Variants in TMEM219 observed in about 807,000 individuals in gnomAD.
The protein encoded by TMEM219 is insulin-like growth factor-binding protein 3 receptor.
TMEM219 carries 18 observed loss-of-function variants against 17.9 expected under a neutral mutation model. That is an observed-to-expected ratio of 1.01 (90% CI 0.70 to 1.49). TMEM219 has a LOEUF of 1.49. TMEM219 is among the 40% of genes most tolerant of loss of function. TMEM219 has a pLI of 0.00. For missense variants in TMEM219, 288 were observed against 292.4 expected (o/e 0.99, Z 0.11); for synonymous variants, 113 against 124.0 (o/e 0.91, Z 0.59).
chr16:29,963,038 T>C, intron 1 of TMEM219, 69 bp from the exon 2 acceptor site: 1 of 1,376,956 alleles, frequency 7.3e-7, no homozygotes, highest in African/African-American at 1.4e-5. Flanking sequence ...TCCTTTGTCT[T>C]CTCTGAGCTT....
chr16:29,972,110 T>G (rs2069301259), intron 5 of TMEM219: 1 of 152,664 alleles, frequency 6.6e-6, no homozygotes, highest in Non-Finnish European at 1.5e-5. Flanking sequence ...GACTCATAAC[T>G]AGTTCACATC....
rs574492055 is a variant in TMEM219, at chr16:29,967,724, A to G, written c.356-301A>G. On this transcript the variant is annotated intron_variant, in intron 3 of 5. Coordinates refer to ENST00000279396, the MANE Select transcript of TMEM219 (RefSeq NM_001083613.2). ...GGGCGGATCACGAGGTCAGGAGATCAAGACCATCCTGGCTACCACAGTGAA... is the reference window on the plus strand; with the variant it reads ...GGGCGGATCACGAGGTCAGGAGATCGAGACCATCCTGGCTACCACAGTGAA... Among the ~76,000 whole-genome samples the G allele has an allele frequency of 1.4e-3, 211 of 152,196 alleles. 2 individuals carry two copies. Among genetic ancestry groups the G allele is most frequent in the East Asian group, 9.1e-3 (47 of 5,168 alleles).
chr16:29,967,971 G>C, intron 3 of TMEM219, 54 bp from the exon 4 acceptor site: 1 of 1,348,096 alleles, frequency 7.4e-7, no homozygotes, highest in Non-Finnish European at 1.1e-6. Context: ...TGAAGACAGA[G>C]GCTCCCGCGT....
intron 3 of TMEM219, among the ~76,000 whole-genome samples, chr16:29,967,724 A>C (rs574492055): frequency 1.3e-5 from 2 of 152,078 alleles, no homozygotes; most frequent in Middle Eastern, 3.2e-3. Flanking sequence ...TCAGGAGATC[A>C]AGACCATCCT....
intron 4 of TMEM219, among the ~76,000 whole-genome samples, chr16:29,969,350 C>T (rs2069252698): frequency 6.6e-6 from 1 of 151,672 alleles, no homozygotes; most frequent in Admixed American, 6.6e-5. Flanking sequence ...GCGCCTGCCA[C>T]CATGCCCGGC....
In TMEM219 at chr16:29,971,870, T is replaced by C. The variant is rs886863540; in HGVS notation, c.*33+292T>C. Reference sequence around the variant, plus strand: ...CAAATTATTATAAAGTGGATACTTATAAATACCACTGAGTAGAATATTACC... The same window carrying C: ...CAAATTATTATAAAGTGGATACTTACAAATACCACTGAGTAGAATATTACC... On this transcript the variant is annotated intron_variant, in intron 5 of 5. Coordinates refer to ENST00000279396, the MANE Select transcript of TMEM219 (RefSeq NM_001083613.2). The C allele has an allele frequency of 6.8e-5, 15 of 222,138 alleles. No homozygotes were observed. The East Asian group carries it at 6.9e-4, about 10-fold the overall frequency. 13.8% of individuals were successfully genotyped at this position (222,138 alleles called of 1,614,324 possible).
intron 3 of TMEM219, among the ~76,000 whole-genome samples, chr16:29,966,074 T>C (rs1567230414): frequency 6.6e-6 from 1 of 152,092 alleles, no homozygotes; most frequent in Non-Finnish European, 1.5e-5. Context: ...CTCACTATGT[T>C]GCCCAGGCTA....
At chr16:29,969,317 C>T (rs562444025) in intron 4 of TMEM219, among the ~76,000 whole-genome samples, 1 of 150,914 alleles carries the variant, frequency 6.6e-6, no homozygotes, top group East Asian at 2.0e-4. Flanking sequence ...CTGCCTCAGG[C>T]TCCCGAGTAG....
intron 4 of TMEM219, chr16:29,968,506 C>T (rs2069243556): frequency 2.3e-6 from 1 of 427,106 alleles, no homozygotes; most frequent in Non-Finnish European, 4.2e-6. Context: ...GTGAAGTGCC[C>T]AGCACATTGC....
intron 3 of TMEM219, among the ~76,000 whole-genome samples, chr16:29,964,481 TCAAA>T (rs758066138): frequency 1.3e-4 from 19 of 150,316 alleles, no homozygotes; most frequent in Admixed American, 8.6e-4. Flanking sequence ...AGACTCCGTC[TCAAA>T]CAAACAAACA....
In TMEM219 at chr16:29,962,747, T is replaced by G. The variant is rs28442577; in HGVS notation, c.-37-360T>G. On this transcript the variant is annotated intron_variant, in intron 1 of 5. Transcript: ENST00000279396. ...CAGATCTAGCCGTTTAGCTGCACAG[T>G]GGAGTTCTTCTCCAGAGTCTTCCCT... 160 of 205,672 alleles carry G rather than the reference T, an allele frequency of 7.8e-4. 1 individual carries two copies. Among genetic ancestry groups the G allele is most frequent in the African/African-American group, 3.5e-3 (153 of 43,770 alleles). 12.7% of individuals were successfully genotyped at this position (205,672 alleles called of 1,614,324 possible). A position where few individuals can be genotyped will look rare whatever the true frequency, so the allele number is the denominator to read the frequency against.
chr16:29,963,483 T>C lies in TMEM219; in HGVS notation c.249T>C (p.Ser83=), dbSNP rs1343378116. The change falls in exon 3 of 6, where the codon TCT becomes TCC. Residue 83 remains serine (S), a synonymous_variant. Transcript: ENST00000279396. ...CAGTCACAGGGAAGTGGCGAGGGTCTCACGTCGTGGGCTTGCTGACCACCT... is the reference window on the plus strand; with the variant it reads ...CAGTCACAGGGAAGTGGCGAGGGTCCCACGTCGTGGGCTTGCTGACCACCT... The part of the protein sequence containing the change: ...NGTVTGKWRG[S]HVVGLLTTLN... 6.2e-7 allele frequency: 1 copy of C among 1,614,214 alleles called. No homozygotes were observed. Among genetic ancestry groups the C allele is most frequent in the East Asian group, 2.2e-5 (1 of 44,890 alleles).
chr16:29,966,960 A>C (rs922097293), intron 3 of TMEM219, among the ~76,000 whole-genome samples: 4 of 151,926 alleles, frequency 2.6e-5, no homozygotes, highest in African/African-American at 9.7e-5. Context: ...TTTTTTCTAC[A>C]TGGAAATTTT....
intron 4 of TMEM219, among the ~76,000 whole-genome samples, 160 bp from the exon 5 acceptor site, chr16:29,971,245 CAAA>C (rs372675511): frequency 1.6e-5 from 2 of 127,346 alleles, no homozygotes. Context: ...GACTCCATCT[CAAA>C]AAAAAAAAAA....
At chr16:29,964,356 G>A (rs951038758) in intron 3 of TMEM219, among the ~76,000 whole-genome samples, 7 of 151,836 alleles carry the variant, frequency 4.6e-5, no homozygotes, top group Admixed American at 2.6e-4. Flanking sequence ...GGTGGTGCAA[G>A]CCTGTAGTTC....
At chr16:29,967,356 C>T (rs1453836756) in intron 3 of TMEM219, among the ~76,000 whole-genome samples, 1 of 152,124 alleles carries the variant, frequency 6.6e-6, no homozygotes, top group African/African-American at 2.4e-5. Context: ...TGCCTGGAAT[C>T]CCAACATTTT....
intron 3 of TMEM219, among the ~76,000 whole-genome samples, chr16:29,963,882 C>CAAAAA (rs34734372): frequency 2.8e-4 from 22 of 78,314 alleles, no homozygotes; most frequent in Non-Finnish European, 4.3e-4. Context: ...GACTCTGTCT[C>CAAAAA]AAAAAAAAAA....
chr16:29,971,627 T>A, intron 5 of TMEM219, 49 bp downstream of exon 5: 5 of 350,068 alleles, frequency 1.4e-5, no homozygotes, highest in Non-Finnish European at 1.9e-5. Flanking sequence ...GGGGTGGGGG[T>A]GGGGGTTGTA....
chr16:29,967,719 A>G (rs1168565816), intron 3 of TMEM219, among the ~76,000 whole-genome samples: 1 of 152,160 alleles, frequency 6.6e-6, no homozygotes, highest in East Asian at 1.9e-4. Context: ...CGAGGTCAGG[A>G]GATCAAGACC....
Sources: gnomAD v4.1 joint callset for allele counts (sites outside exome capture counted in the v4.1 genomes callset) on GRCh38, gnomAD v4.1.1 for gene constraint, MANE v1.5 for transcripts, NCBI Gene and HGNC (gene_info 2026-07-23, HGNC 2026-07-21) for gene names.